Variants in ARL15 observed in about 807,000 individuals in gnomAD.
The protein encoded by ARL15 is ADP-ribosylation factor-like protein 15.
A neutral mutation model predicts 25.2 loss-of-function variants in ARL15; 19 were observed. That is an observed-to-expected ratio of 0.75 (90% CI 0.53 to 1.10). The LOEUF is 1.10. Ranked by LOEUF, ARL15 falls within the 50% of genes least tolerant of loss-of-function variation. ARL15 has a pLI of 0.00. For synonymous variants in ARL15, 94 were observed against 86.8 expected (o/e 1.08, Z -0.46); for missense variants, 220 against 246.0 (o/e 0.89, Z 0.71).
intron 4 of ARL15, among the ~76,000 whole-genome samples, chr5:54,010,680 A>T (rs1352220973): frequency 6.6e-6 from 1 of 152,194 alleles, no homozygotes; most frequent in Non-Finnish European, 1.5e-5. Flanking sequence ...TATTGATCCC[A>T]ACAATGACTC....
intron 1 of ARL15, among the ~76,000 whole-genome samples, chr5:54,217,572 T>C (rs1756244581): frequency 1.3e-5 from 2 of 152,164 alleles, no homozygotes; most frequent in Admixed American, 6.5e-5. Context: ...TACAAGTTAG[T>C]TGTATATGCC....
chr5:54,277,608 C>T (rs1010939838), intron 1 of ARL15, among the ~76,000 whole-genome samples: 6 of 152,002 alleles, frequency 3.9e-5, no homozygotes, highest in African/African-American at 1.5e-4. Flanking sequence ...AAAAATTAGC[C>T]GGGCGTGGTG....
At chr5:54,003,241 C>CT (rs1405779643) in intron 4 of ARL15, among the ~76,000 whole-genome samples, 2 of 152,266 alleles carry the variant, frequency 1.3e-5, no homozygotes, top group East Asian at 3.9e-4. Context: ...GAAGACTTAT[C>CT]TAACAGTGAC....
At chr5:54,161,117 T>A (rs565961415) in intron 2 of ARL15, among the ~76,000 whole-genome samples, 1 of 152,288 alleles carries the variant, frequency 6.6e-6, no homozygotes, top group Non-Finnish European at 1.5e-5. Flanking sequence ...AGACTGTATA[T>A]ATTCTTCTAA....
At chr5:54,119,208 C>T (rs187733630) in intron 3 of ARL15, among the ~76,000 whole-genome samples, 11 of 152,242 alleles carry the variant, frequency 7.2e-5, no homozygotes, top group Admixed American at 3.3e-4. Flanking sequence ...GAGGTAGAAC[C>T]TTTAAGAGGT....
intron 4 of ARL15, among the ~76,000 whole-genome samples, chr5:53,910,408 C>T (rs927962351): frequency 5.9e-5 from 9 of 151,840 alleles, no homozygotes; most frequent in African/African-American, 1.4e-4. Flanking sequence ...TTAATGCCAC[C>T]GTAAGAAAAG....
chr5:54,251,669 G>T (rs1393480012), intron 1 of ARL15, among the ~76,000 whole-genome samples: 1 of 152,126 alleles, frequency 6.6e-6, no homozygotes, highest in Non-Finnish European at 1.5e-5. Context: ...CAAGAATAAG[G>T]ATCCAACAAG....
intron 4 of ARL15, among the ~76,000 whole-genome samples, chr5:54,057,023 AAGAAAGAAAAGTTTT>A: frequency 6.6e-6 from 1 of 152,154 alleles, no homozygotes; most frequent in East Asian, 1.9e-4. Flanking sequence ...AATAAATTGG[AAGAAAGAAAAGTTTT>A]AGAAAGAAAA....
chr5:54,161,565 C>T (rs1754401910), intron 2 of ARL15, among the ~76,000 whole-genome samples: 1 of 152,066 alleles, frequency 6.6e-6, no homozygotes, highest in East Asian at 1.9e-4. Context: ...AAAGTTGAAA[C>T]TTTTCCATTA....
chr5:54,049,063 T>C (rs937178938), intron 4 of ARL15, among the ~76,000 whole-genome samples: 1 of 152,072 alleles, frequency 6.6e-6, no homozygotes, highest in African/African-American at 2.4e-5. Context: ...GTGGGGAATA[T>C]AGAATCTTTC....
At chr5:54,125,664 T>C (rs1424320259) in intron 3 of ARL15, among the ~76,000 whole-genome samples, 1 of 152,242 alleles carries the variant, frequency 6.6e-6, no homozygotes, top group African/African-American at 2.4e-5. Context: ...ACATCTGTTT[T>C]CAATTATTTT....
intron 4 of ARL15, among the ~76,000 whole-genome samples, chr5:54,080,260 G>A (rs79674432): frequency 2.8e-3 from 432 of 152,284 alleles, no homozygotes; most frequent in Admixed American, 5.4e-3. Flanking sequence ...TATTGCACTA[G>A]AGAGAGGTGA....
At chr5:53,938,825 CAGAG>C (rs751176062) in intron 4 of ARL15, among the ~76,000 whole-genome samples, 14 of 152,108 alleles carry the variant, frequency 9.2e-5, no homozygotes, top group Non-Finnish European at 1.3e-4. Context: ...GCCTGGGTGA[CAGAG>C]AGAGACTCTG....
rs182760015 is a variant in ARL15 at position 54,254,235 on chromosome 5, G to A, written c.48+56197C>T. Among the ~76,000 whole-genome samples the A allele has an allele frequency of 8.4e-3, 1,277 of 152,216 alleles. 26 individuals are homozygous for A. Among genetic ancestry groups the A allele is most frequent in the African/African-American group, 0.029 (1,216 of 41,508 alleles). On this transcript the variant is annotated intron_variant, in intron 1 of 4. Transcript: ENST00000504924. The stretch of plus-strand genomic sequence containing the variant: ...AGATCCTTTGTCAACTAACACGGAG[G>A]AATAGTTAAGAAGATTGTTGTCAAT...
At chr5:54,306,700 G>GTTAACATT (rs1454254779) in intron 1 of ARL15, among the ~76,000 whole-genome samples, 4 of 151,376 alleles carry the variant, frequency 2.6e-5, no homozygotes, top group African/African-American at 9.7e-5. Context: ...CACACAATAC[G>GTTAACATT]TTAACATTTT....
At chr5:53,927,059 C>G (rs1746054594) in intron 4 of ARL15, among the ~76,000 whole-genome samples, 1 of 151,748 alleles carries the variant, frequency 6.6e-6, no homozygotes, top group African/African-American at 2.4e-5. Flanking sequence ...ACCATTTCAA[C>G]TATTTTTTAG....
At chr5:54,166,138 A>G (rs1561249978) in intron 2 of ARL15, among the ~76,000 whole-genome samples, 2 of 152,076 alleles carry the variant, frequency 1.3e-5, no homozygotes, top group African/African-American at 2.4e-5. Flanking sequence ...GGTTTTGAAC[A>G]ATTTTATTAT....
At chr5:54,279,934 A>G (rs1333020361) in intron 1 of ARL15, among the ~76,000 whole-genome samples, 6 of 152,196 alleles carry the variant, frequency 3.9e-5, no homozygotes. Context: ...TCTTGCTGCC[A>G]CAGCTTCAGG....
At chr5:53,891,656 C>G (rs1410987571) in intron 4 of ARL15, among the ~76,000 whole-genome samples, 1 of 152,172 alleles carries the variant, frequency 6.6e-6, no homozygotes, top group Non-Finnish European at 1.5e-5. Context: ...CCATTCTCCC[C>G]CAGATCACCC....
Sources: gnomAD v4.1 joint callset for allele counts (sites outside exome capture counted in the v4.1 genomes callset) on GRCh38, gnomAD v4.1.1 for gene constraint, MANE v1.5 for transcripts, NCBI Gene and HGNC (gene_info 2026-07-23, HGNC 2026-07-21) for gene names.